The following ST6GAL1 variants were observed in gnomAD, a reference collection of about 807,000 sequenced individuals.
ST6GAL1 encodes the protein ST6 beta-galactoside alpha-2,6-sialyltransferase 1, also known as beta-galactoside alpha-2,6-sialyltransferase 1.
A neutral mutation model predicts 38.0 loss-of-function variants in ST6GAL1; 20 were observed. That is an observed-to-expected ratio of 0.53 (90% CI 0.37 to 0.77). ST6GAL1 has a LOEUF of 0.77. Ranked by LOEUF, ST6GAL1 falls within the 30% of genes least tolerant of loss-of-function variation. ST6GAL1 has a pLI of 0.00. For synonymous variants in ST6GAL1, 196 were observed against 188.2 expected (o/e 1.04, Z -0.34); for missense variants, 432 against 496.4 (o/e 0.87, Z 1.23).
At chr3:187,053,403 G>A (rs569982582) in intron 5 of ST6GAL1, among the ~76,000 whole-genome samples, 1 of 152,318 alleles carries the variant, frequency 6.6e-6, no homozygotes, top group South Asian at 2.1e-4. Context: ...TATTGTTTAG[G>A]TTTTCTTCCA....
intron 1 of ST6GAL1, among the ~76,000 whole-genome samples, chr3:186,932,292 CAGAG>C (rs1713787025): frequency 6.6e-6 from 1 of 152,176 alleles, no homozygotes; most frequent in Admixed American, 6.5e-5. Context: ...AAACGGGCCA[CAGAG>C]AGAACACTTG....
chr3:187,070,053 A>G (rs776055484), intron 5 of ST6GAL1, among the ~76,000 whole-genome samples: 5 of 152,106 alleles, frequency 3.3e-5, no homozygotes, highest in Non-Finnish European at 7.4e-5. Flanking sequence ...CATCACATCC[A>G]CATTTCAGCC....
intron 2 of ST6GAL1, chr3:187,038,294 C>T (rs1718006634): frequency 6.6e-6 from 1 of 151,686 alleles, no homozygotes. Flanking sequence ...CAACCTCCGC[C>T]TCCCGGGTTC....
At chr3:186,987,457 G>A (rs561061259) in intron 2 of ST6GAL1, among the ~76,000 whole-genome samples, 4 of 152,172 alleles carry the variant, frequency 2.6e-5, no homozygotes, top group East Asian at 1.9e-4. Context: ...TGAAGCCCAC[G>A]GCCCACAAGA....
intron 6 of ST6GAL1, chr3:187,073,637 G>T (rs1034543829): frequency 1.3e-5 from 2 of 153,510 alleles, no homozygotes; most frequent in African/African-American, 4.8e-5. Flanking sequence ...AGGGCAGAGA[G>T]CACTAATCTT....
Position 187,076,959 on chromosome 3 carries a change from TCTC to T in ST6GAL1, c.*1159_*1161del. ...CTTTTCAATACCTACCCCCAAATCT[TCTC>T]CTAACCACCATCTGTTTTTTTTTTT... On this transcript the variant is annotated 3_prime_UTR_variant, in exon 8 of 8. Coordinates refer to ENST00000169298, the MANE Select transcript of ST6GAL1 (RefSeq NM_173216.2). The T allele has an allele frequency of 2.6e-6, 1 of 391,488 alleles. No individual in the cohort carries two copies. 24.3% of individuals were successfully genotyped at this position (391,488 alleles called of 1,614,324 possible).
intron 1 of ST6GAL1, among the ~76,000 whole-genome samples, chr3:186,956,409 G>T (rs984805925): frequency 9.9e-5 from 15 of 152,018 alleles, no homozygotes; most frequent in African/African-American, 3.4e-4. Flanking sequence ...TTCCTTTAAG[G>T]CTCTTTCCAG....
intron 5 of ST6GAL1, among the ~76,000 whole-genome samples, chr3:187,054,853 G>A (rs755285397): frequency 6.6e-6 from 1 of 152,110 alleles, no homozygotes; most frequent in Non-Finnish European, 1.5e-5. Context: ...GTATTGATTG[G>A]AATAGTTTCA....
chr3:186,940,783 GTTT>G (rs35452443), intron 1 of ST6GAL1, among the ~76,000 whole-genome samples: 1 of 129,300 alleles, frequency 7.7e-6, no homozygotes, highest in South Asian at 2.5e-4. Flanking sequence ...CCATGTCAGT[GTTT>G]TTTTTTTTTT....
chr3:187,043,377 G>T lies in ST6GAL1; in HGVS notation c.607+67G>T, dbSNP rs1718195077. The T allele has an allele frequency of 1.9e-6, 3 of 1,552,838 alleles. No individual in the cohort carries two copies. In the Admixed American group the frequency reaches 5.5e-5, roughly 29 times the overall value. ...GACTGGCTGGGCATATTGATGGTATGGGAGACAAGTGGCCCAAGTGTGGCT... is the reference window on the plus strand; with the variant it reads ...GACTGGCTGGGCATATTGATGGTATTGGAGACAAGTGGCCCAAGTGTGGCT... On this transcript the variant is annotated intron_variant, in intron 4 of 7. Coordinates refer to ENST00000169298, the MANE Select transcript of ST6GAL1 (RefSeq NM_173216.2).
At chr3:186,942,528 T>C (rs11719408) in intron 1 of ST6GAL1, 80,997 of 151,820 alleles carry the variant, frequency 0.53, 23,202 homozygotes, top group African/African-American at 0.76. Context: ...ATTTTAGGAA[T>C]GCTGTACCCT....
At chr3:187,023,243 C>T (rs183242202) in intron 2 of ST6GAL1, among the ~76,000 whole-genome samples, 1 of 152,294 alleles carries the variant, frequency 6.6e-6, no homozygotes, top group East Asian at 1.9e-4. Context: ...TTTAAATCTC[C>T]ACCTCACCCA....
Position 187,076,019 on chromosome 3 carries a change from C to A in ST6GAL1, c.*216C>A. 1 of 591,810 alleles carries A rather than the reference C, an allele frequency of 1.7e-6. No homozygotes were observed. 36.7% of individuals were successfully genotyped at this position (591,810 alleles called of 1,614,324 possible). On this transcript the variant is annotated 3_prime_UTR_variant, in exon 8 of 8. Transcript: ENST00000169298. The stretch of plus-strand genomic sequence containing the variant: ...AGTTTATGAGCCCAGAGCCTCCTGC[C>A]ACACACATGCACACATATCTAGCAT...
At chr3:187,058,480 G>T (rs1201271926) in intron 5 of ST6GAL1, among the ~76,000 whole-genome samples, 1 of 152,052 alleles carries the variant, frequency 6.6e-6, no homozygotes, top group African/African-American at 2.4e-5. Context: ...TTTGTAAGTG[G>T]TCACCATCTT....
intron 1 of ST6GAL1, among the ~76,000 whole-genome samples, chr3:186,937,281 A>C (rs559398883): frequency 6.6e-6 from 1 of 152,166 alleles, no homozygotes; most frequent in East Asian, 1.9e-4. Flanking sequence ...GGATCTGATC[A>C]TTTCAGTGAG....
chr3:186,980,894 G>A (rs1288286717), intron 2 of ST6GAL1, among the ~76,000 whole-genome samples: 2 of 152,122 alleles, frequency 1.3e-5, no homozygotes, highest in Non-Finnish European at 2.9e-5. Context: ...CCTGTCACTA[G>A]TGGTCAAGCA....
chr3:186,936,937 C>G (rs1332964949), intron 1 of ST6GAL1, among the ~76,000 whole-genome samples: 1 of 47,858 alleles, frequency 2.1e-5, no homozygotes, highest in Non-Finnish European at 3.9e-5. Flanking sequence ...GCAAGACTGT[C>G]TCAAAAAAAA....
In ST6GAL1 at chr3:187,038,807, T is replaced by G. The variant is rs1718028359; in HGVS notation, c.-117T>G. 6.6e-6 allele frequency: 1 copy of G among 152,092 alleles called. No individual in the cohort carries two copies. Among genetic ancestry groups the G allele is most frequent in the Non-Finnish European group, 1.5e-5 (1 of 67,998 alleles). The allele number at this position is 152,092 out of a possible 1,614,324, so 9.4% of individuals were successfully genotyped here. ...CAGACCCAATAAACCTTCCCTCCCA[T>G]GGATAATAGTGCTAATTCCTGAGGA... On this transcript the variant is annotated 5_prime_UTR_variant, in exon 3 of 8. It removes an upstream start codon present in the reference 5' UTR. Coordinates refer to ENST00000169298, the MANE Select transcript of ST6GAL1 (RefSeq NM_173216.2).
intron 2 of ST6GAL1, among the ~76,000 whole-genome samples, chr3:187,014,772 CTT>C (rs986159532): frequency 6.6e-6 from 1 of 152,206 alleles, no homozygotes; most frequent in Non-Finnish European, 1.5e-5. Flanking sequence ...TCTCGAGTGA[CTT>C]TTCCTGAGAT....
Sources: gnomAD v4.1 joint callset for allele counts (sites outside exome capture counted in the v4.1 genomes callset) on GRCh38, gnomAD v4.1.1 for gene constraint, MANE v1.5 for transcripts, NCBI Gene and HGNC (gene_info 2026-07-23, HGNC 2026-07-21) for gene names.